Variants in THSD7B observed in about 807,000 individuals in gnomAD.
THSD7B encodes thrombospondin type 1 domain containing 7B.
A neutral mutation model predicts 213.6 loss-of-function variants in THSD7B; 138 were observed. The ratio of observed to expected loss-of-function variants is 0.65; its 90% CI spans 0.56 to 0.74. THSD7B has a LOEUF of 0.74. THSD7B is among the 30% of genes least tolerant of loss of function. The pLI is 0.00. For missense variants in THSD7B, 1,931 were observed against 1,991.5 expected, an observed-to-expected ratio of 0.97 and a Z score of 0.58; for synonymous variants, 742 against 687.0, an observed-to-expected ratio of 1.08 and a Z score of -1.25.
chr2:137,492,022 A>G (rs1197613194), intron 15 of THSD7B, among the ~76,000 whole-genome samples: 2 of 151,880 alleles, frequency 1.3e-5, no homozygotes, highest in Non-Finnish European at 2.9e-5. Flanking sequence ...GGTTTGAGCT[A>G]ATCTTTGCAT....
chr2:137,114,386 T>G (rs1457251409), intron 4 of THSD7B, among the ~76,000 whole-genome samples: 1 of 152,232 alleles, frequency 6.6e-6, no homozygotes, highest in Non-Finnish European at 1.5e-5. Context: ...GATAGTTGTT[T>G]TGTTTTCTGT....
chr2:137,624,053 C>G (rs1682573733), intron 20 of THSD7B, among the ~76,000 whole-genome samples: 1 of 152,220 alleles, frequency 6.6e-6, no homozygotes, highest in African/African-American at 2.4e-5. Context: ...AAGCTGTAGG[C>G]TTCATGCTAC....
At chr2:137,118,671 T>A (rs1451879139) in intron 5 of THSD7B, among the ~76,000 whole-genome samples, 1 of 152,118 alleles carries the variant, frequency 6.6e-6, no homozygotes, top group Non-Finnish European at 1.5e-5. Flanking sequence ...CTAATAAGAT[T>A]GTCTTCATTC....
intron 14 of THSD7B, among the ~76,000 whole-genome samples, chr2:137,415,432 C>T (rs1365046744): frequency 2.0e-5 from 3 of 152,054 alleles, no homozygotes; most frequent in Non-Finnish European, 4.4e-5. Flanking sequence ...ATATTAAAAT[C>T]ACAATTTATT....
At chr2:137,372,952 G>A (rs1685564689) in intron 12 of THSD7B, among the ~76,000 whole-genome samples, 1 of 148,684 alleles carries the variant, frequency 6.7e-6, no homozygotes, top group Non-Finnish European at 1.5e-5. Flanking sequence ...GTGGTGTTTG[G>A]TTTTTTGTTC....
Position 137,385,461 on chromosome 2 carries a change from C to G in THSD7B, c.2501-20152C>G, listed in dbSNP as rs7593759. 6.0e-3 allele frequency among the ~76,000 whole-genome samples: 912 copies of G among 152,128 alleles called. 8 individuals carry two copies. Among genetic ancestry groups the G allele is most frequent in the African/African-American group, 0.021 (885 of 41,526 alleles). ...AGCCTCACCAGAGCCCATGCTCCCC[C>G]ACTCAGTCCCCTGTCTAAACTCTTT... is the stretch of plus-strand genomic sequence containing the variant. On this transcript the variant is annotated intron_variant, in intron 12 of 27. Coordinates refer to ENST00000409968, the MANE Select transcript of THSD7B (RefSeq NM_001316349.2).
At chr2:137,041,656 A>G (rs1028002643) in intron 2 of THSD7B, among the ~76,000 whole-genome samples, 3 of 147,532 alleles carry the variant, frequency 2.0e-5, no homozygotes, top group South Asian at 2.2e-4. Context: ...TGTATTTAAT[A>G]TAACATATAA....
chr2:137,330,422 A>G (rs1216506982), intron 12 of THSD7B, among the ~76,000 whole-genome samples: 1 of 152,194 alleles, frequency 6.6e-6, no homozygotes, highest in Non-Finnish European at 1.5e-5. Context: ...TCTTGGTCTC[A>G]CTGACTTCAA....
intron 12 of THSD7B, among the ~76,000 whole-genome samples, chr2:137,277,311 A>G (rs1029387221): frequency 6.6e-6 from 1 of 152,072 alleles, no homozygotes; most frequent in Non-Finnish European, 1.5e-5. Context: ...TTGGATTTCA[A>G]TATAAATGAA....
intron 10 of THSD7B, among the ~76,000 whole-genome samples, chr2:137,260,204 T>C (rs540354444): frequency 1.3e-5 from 2 of 152,362 alleles, no homozygotes; most frequent in East Asian, 3.8e-4. Context: ...AATGGTTAGA[T>C]ATTTATTAAT....
At position 137,656,818 on chromosome 2, in the gene THSD7B, G is replaced by A; in HGVS notation, c.4128G>A (p.Trp1376Ter). Reference sequence around the variant, plus strand: ...CAGGAGACTGCCATTTAACAGAATGGTCAGAGTGGAGCACATGTGAATTAA... The same window carrying A: ...CAGGAGACTGCCATTTAACAGAATGATCAGAGTGGAGCACATGTGAATTAA... ...PCPGDCHLTE[W>*]SEWSTCELTC... The change falls in exon 23 of 28, where the codon TGG becomes TGA. Residue 1376 changes from tryptophan to a stop codon, truncating the protein, a stop_gained. Coordinates refer to ENST00000409968, the MANE Select transcript of THSD7B (RefSeq NM_001316349.2). LOFTEE classifies it high-confidence loss of function. The A allele has an allele frequency of 1.2e-6, 2 of 1,613,922 alleles. No individual in the cohort carries two copies. The highest frequency in any genetic ancestry group is 2.2e-5 in the East Asian group (1 of 44,876).
chr2:137,325,063 C>T (rs1166840385), intron 12 of THSD7B, among the ~76,000 whole-genome samples: 1 of 152,222 alleles, frequency 6.6e-6, no homozygotes, highest in Non-Finnish European at 1.5e-5. Context: ...TGCGTCTATT[C>T]GAGATGTTGT....
At chr2:137,006,967 AG>A (rs1478236006) in intron 2 of THSD7B, among the ~76,000 whole-genome samples, 1 of 152,200 alleles carries the variant, frequency 6.6e-6, no homozygotes, top group African/African-American at 2.4e-5. Flanking sequence ...TAATGATAAA[AG>A]TGTGCATTTT....
chr2:137,132,566 A>T lies in THSD7B; in HGVS notation c.1369+17273A>T, dbSNP rs1195312581. On this transcript the variant is annotated intron_variant, in intron 5 of 27. Coordinates refer to ENST00000409968, the MANE Select transcript of THSD7B (RefSeq NM_001316349.2). ...TTTAGCTCTCTGCTAATCCTTCTTT[A>T]TATAGATAAAGGCTAGACATCAAGA... Among the ~76,000 whole-genome samples the T allele has an allele frequency of 2.0e-5, 3 of 152,160 alleles. No individual in the cohort carries two copies. In the East Asian group the frequency reaches 5.8e-4, roughly 29 times the overall value.
At chr2:137,116,752 G>A (rs887218040) in intron 5 of THSD7B, among the ~76,000 whole-genome samples, 3 of 152,138 alleles carry the variant, frequency 2.0e-5, no homozygotes, top group African/African-American at 4.8e-5. Context: ...GCAGGAAAGT[G>A]GAAGTCTGGT....
intron 3 of THSD7B, among the ~76,000 whole-genome samples, chr2:137,062,684 C>G (rs1303856204): frequency 6.6e-6 from 1 of 151,614 alleles, no homozygotes; most frequent in Non-Finnish European, 1.5e-5. Flanking sequence ...TGTATGATTT[C>G]TATTCTTTTA....
In THSD7B at chr2:137,083,939, A is replaced by G. The variant is rs566481892; in HGVS notation, c.951-10934A>G. 7.9e-5 allele frequency among the ~76,000 whole-genome samples: 12 copies of G among 152,282 alleles called. No homozygotes were observed. In the South Asian group the frequency reaches 2.5e-3, roughly 32 times the overall value. On this transcript the variant is annotated intron_variant, in intron 3 of 27. Transcript: ENST00000409968. Reference sequence around the variant, plus strand: ...TTAGTTGCAATTTCACTTTTATAAAAGTACTTTTTAACTGTAAAGTGTATT... The same window carrying G: ...TTAGTTGCAATTTCACTTTTATAAAGGTACTTTTTAACTGTAAAGTGTATT...
chr2:137,044,788 C>T (rs138861993), intron 2 of THSD7B, among the ~76,000 whole-genome samples: 35 of 152,156 alleles, frequency 2.3e-4, no homozygotes, highest in East Asian at 5.8e-4. Context: ...AATGACTGTG[C>T]GATGATATGA....
intron 2 of THSD7B, 54 bp downstream of exon 2, chr2:136,882,371 T>G: frequency 7.2e-7 from 1 of 1,389,090 alleles, no homozygotes; most frequent in Admixed American, 3.2e-5. Flanking sequence ...GGAAGAATAT[T>G]CTTTCCATCC....
Sources: allele counts gnomAD v4.1 joint callset (sites outside exome capture counted in the v4.1 genomes callset), GRCh38; gene constraint gnomAD v4.1.1; transcripts MANE v1.5; gene names NCBI Gene and HGNC (gene_info 2026-07-23, HGNC 2026-07-21).